Variants in STAU1 observed in about 807,000 individuals in gnomAD.
The protein encoded by STAU1 is double-stranded RNA-binding protein Staufen homolog 1.
In STAU1, 13 loss-of-function variants were observed where a neutral mutation model predicts 62.9. The ratio of observed to expected loss-of-function variants is 0.21; its 90% confidence interval spans 0.13 to 0.33. The LOEUF is 0.33. STAU1 is among the 10% of genes least tolerant of loss of function. The pLI, the probability that STAU1 is intolerant of heterozygous loss-of-function variation, is 1.00. For synonymous variants in STAU1, 269 were observed against 265.1 expected (o/e 1.01, Z -0.14); for missense variants, 571 against 712.1 (o/e 0.80, Z 2.25).
chr20:49,150,976 C>T (rs2093236844), intron 5 of STAU1, among the ~76,000 whole-genome samples: 1 of 152,156 alleles, frequency 6.6e-6, no homozygotes. Flanking sequence ...AGTGAGCCAC[C>T]TTAAAAGCAG....
At chr20:49,156,748 C>A (rs926715392) in intron 3 of STAU1, among the ~76,000 whole-genome samples, 2 of 152,118 alleles carry the variant, frequency 1.3e-5, no homozygotes, top group African/African-American at 4.8e-5. Flanking sequence ...ACCTTGAACA[C>A]TTTCTATGGT....
intron 9 of STAU1, among the ~76,000 whole-genome samples, chr20:49,118,683 C>T (rs892323827): frequency 6.6e-6 from 1 of 151,986 alleles, no homozygotes; most frequent in Non-Finnish European, 1.5e-5. Context: ...TCTGCACCCA[C>T]AGGAAGACGG....
intron 3 of STAU1, among the ~76,000 whole-genome samples, chr20:49,157,893 G>A (rs1218439257): frequency 1.3e-5 from 2 of 152,042 alleles, no homozygotes; most frequent in African/African-American, 2.4e-5. Flanking sequence ...AAAGTGATAG[G>A]ATTTAAGGCA....
At chr20:49,157,583 G>T (rs958509399) in intron 3 of STAU1, among the ~76,000 whole-genome samples, 1 of 151,450 alleles carries the variant, frequency 6.6e-6, no homozygotes, top group East Asian at 2.0e-4. Flanking sequence ...AGGTTCAAGC[G>T]ATTCTCCTGC....
chr20:49,181,763 CAACAAAAAAAAAAAAAAA>C (rs1352351163), intron 1 of STAU1, among the ~76,000 whole-genome samples: 4 of 66,702 alleles, frequency 6.0e-5, no homozygotes, highest in Non-Finnish European at 8.4e-5. Flanking sequence ...AAGACTATCT[CAACAAAAAAAAAAAAAAA>C]AAAAAAAAAA....
At chr20:49,172,158 T>C (rs1305379575) in intron 2 of STAU1, among the ~76,000 whole-genome samples, 1 of 152,166 alleles carries the variant, frequency 6.6e-6, no homozygotes, top group African/African-American at 2.4e-5. Context: ...TCCACACAAA[T>C]GTAACAGTTG....
Position 49,154,006 on chromosome 20 carries a change from T to C in STAU1, c.271A>G (p.Lys91Glu). 3 of 1,613,814 alleles carry C rather than the reference T, an allele frequency of 1.9e-6. No individual in the cohort carries two copies. The highest frequency in any genetic ancestry group is 2.5e-6 in the Non-Finnish European group (3 of 1,179,934). ...ATCCGAGAGTAAGGGTCAACAGGCT[T>C]ATACATTGGTTTTTTTCCAAGTTTC... is the stretch of plus-strand genomic sequence containing the variant. ...CMKLGKKPMY[K>E]PVDPYSRMQS... is the part of the protein sequence containing the mutation. Residue 91 changes from lysine (K) to glutamate (E), a missense_variant, in exon 4 of 14, where the codon AAG (lysine) becomes GAG (glutamate). By Grantham distance (56) the Lys-to-Glu change is moderately conservative. Coordinates refer to ENST00000371856, the MANE Select transcript of STAU1 (RefSeq NM_017453.4).
intron 5 of STAU1, among the ~76,000 whole-genome samples, chr20:49,149,251 A>AACACACACACAC (rs34854738): frequency 0.02 from 2,604 of 131,950 alleles, 36 homozygotes; most frequent in East Asian, 0.045. Flanking sequence ...ACTGTCTCAA[A>AACACACACACAC]ACACACACAC....
At chr20:49,162,450 G>A (rs774511459) in intron 3 of STAU1, among the ~76,000 whole-genome samples, 24 of 152,254 alleles carry the variant, frequency 1.6e-4, no homozygotes, top group Non-Finnish European at 8.8e-5. Flanking sequence ...AAGATGCCAC[G>A]CAGCTGAGTG....
chr20:49,180,568 C>T (rs2093713281), intron 1 of STAU1, among the ~76,000 whole-genome samples: 1 of 152,204 alleles, frequency 6.6e-6, no homozygotes, highest in African/African-American at 2.4e-5. Flanking sequence ...AGGTGATGCG[C>T]CTGCCTTGGC....
At chr20:49,151,473 T>A in intron 5 of STAU1, 109 bp downstream of exon 5, 1 of 1,166,214 alleles carries the variant, frequency 8.6e-7, no homozygotes, top group Non-Finnish European at 1.1e-6. Flanking sequence ...AAATAAAAAT[T>A]ATGGACAGCT....
Position 49,164,841 on chromosome 20 carries a change from T to C in STAU1, c.205+1156A>G, listed in dbSNP as rs188000979. 3.7e-4 allele frequency among the ~76,000 whole-genome samples: 56 copies of C among 152,330 alleles called. 1 individual carries two copies. Among genetic ancestry groups the C allele is most frequent in the African/African-American group, 1.3e-3 (52 of 41,584 alleles). On this transcript the variant is annotated intron_variant, in intron 3 of 13. Transcript: ENST00000371856. The stretch of plus-strand genomic sequence containing the variant: ...TTCCATTTCTAATTGATCCTCATTA[T>C]GATTTCTAAACTACTTCTGGAACCT...
At chr20:49,131,857 CAAAA>C (rs1382437503) in intron 6 of STAU1, among the ~76,000 whole-genome samples, 1 of 144,360 alleles carries the variant, frequency 6.9e-6, no homozygotes, top group Admixed American at 6.9e-5. Flanking sequence ...AAAAAAAAAA[CAAAA>C]GGAAGGAAGG....
Position 49,158,965 on chromosome 20 carries a change from C to T in STAU1, c.206-4894G>A. 1.5e-6 allele frequency: 2 copies of T among 1,301,592 alleles called. 1 individual carries two copies. The highest frequency in any genetic ancestry group is 2.5e-5 in the South Asian group (2 of 80,730). The allele number at this position is 1,301,592 out of a possible 1,614,324, so 80.6% of individuals were successfully genotyped here. On this transcript the variant is annotated intron_variant, in intron 3 of 13. Coordinates refer to ENST00000371856, the MANE Select transcript of STAU1 (RefSeq NM_017453.4). ...CCCCTTGACACTTCACACATCAGGA[C>T]ATCAGGGGTCTCCTTTATTATATGT... is the stretch of plus-strand genomic sequence containing the variant.
chr20:49,193,405 G>C, the STAU1 span, among the ~76,000 whole-genome samples: 3 of 152,028 alleles, frequency 2.0e-5, no homozygotes. Context: ...CGGGCCGGTA[G>C]CTCACACCTG....
chr20:49,115,085 G>T (rs1042351548), intron 13 of STAU1, among the ~76,000 whole-genome samples, 192 bp from the exon 14 acceptor site: 2 of 151,938 alleles, frequency 1.3e-5, no homozygotes, highest in Admixed American at 6.6e-5. Context: ...TTATCTCTGT[G>T]GGGGGAAAGG....
intron 4 of STAU1, 134 bp from the exon 5 acceptor site, chr20:49,151,881 A>T: frequency 4.0e-6 from 3 of 741,406 alleles, no homozygotes; most frequent in South Asian, 4.4e-5. Context: ...ACTCTTCATC[A>T]ATATATCCAG....
chr20:49,219,264 A>C, the STAU1 span: 179 of 1,347,046 alleles, frequency 1.3e-4, 3 homozygotes, highest in South Asian at 2.6e-3. Flanking sequence ...TGATGGCGTC[A>C]CACGAAACCA....
intron 3 of STAU1, among the ~76,000 whole-genome samples, chr20:49,154,716 AT>A (rs2093328337): frequency 6.6e-6 from 1 of 152,176 alleles, no homozygotes; most frequent in South Asian, 2.1e-4. Flanking sequence ...AATACAAAAA[AT>A]TAGCCAGGCA....
Sources: gnomAD v4.1 joint callset for allele counts (sites outside exome capture counted in the v4.1 genomes callset) on GRCh38, gnomAD v4.1.1 for gene constraint, MANE v1.5 for transcripts, NCBI Gene and HGNC (gene_info 2026-07-23, HGNC 2026-07-21) for gene names.